Variants in INPP5B observed in about 807,000 individuals in gnomAD.
The protein encoded by INPP5B is type II inositol 1,4,5-trisphosphate 5-phosphatase.
In INPP5B, 90 loss-of-function variants were observed where a neutral mutation model predicts 118.5. The ratio of observed to expected loss-of-function variants is 0.76; its 90% CI spans 0.64 to 0.90. INPP5B has a LOEUF of 0.90. INPP5B is among the 40% of genes least tolerant of loss of function. INPP5B has a pLI of 0.00. For synonymous variants in INPP5B, 385 were observed against 418.9 expected (o/e 0.92, Z 0.99); for missense variants, 984 against 1,125.6 (o/e 0.87, Z 1.80).
intron 7 of INPP5B, chr1:37,928,508 A>G (rs1469680243): frequency 1.3e-5 from 2 of 152,210 alleles, no homozygotes; most frequent in African/African-American, 2.4e-5. Flanking sequence ...ATAAGCGCAC[A>G]CTACCATGCC....
intron 6 of INPP5B, among the ~76,000 whole-genome samples, chr1:37,937,290 A>T (rs1645733406): frequency 6.6e-6 from 1 of 150,524 alleles, no homozygotes; most frequent in Admixed American, 6.6e-5. Flanking sequence ...CAGCCTGGGC[A>T]ACAAAGCAAG....
intron 6 of INPP5B, among the ~76,000 whole-genome samples, chr1:37,939,442 TTTG>T (rs1166875092): frequency 9.8e-6 from 1 of 101,652 alleles, no homozygotes; most frequent in Non-Finnish European, 2.7e-5. Context: ...TCCTTTTGTT[TTTG>T]TTTTTGTTTT....
Position 37,889,698 on chromosome 1 carries a change from G to A in INPP5B, c.656C>T (p.Thr219Ile), listed in dbSNP as rs1381171077. 1 of 1,612,260 alleles carries A rather than the reference G, an allele frequency of 6.2e-7. No homozygotes were observed. Among genetic ancestry groups the A allele is most frequent in the East Asian group, 2.2e-5 (1 of 44,842 alleles). The stretch of plus-strand genomic sequence containing the variant: ...GATAGTGGAGGAGCGAACCATGTCA[G>A]TAATTTCGGACTTGGATTTATTCTG... ...PRQNKSKSEI[T>I]DMVRSSTITV... Residue 219 changes from threonine to isoleucine, a missense_variant, in exon 9 of 24, where the codon ACT becomes ATT. This residue lies in a region of INPP5B where 350 missense variants were observed against 334.6 expected (regional missense o/e 1.05). Transcript: ENST00000373024.
chr1:37,893,571 T>C (rs1643911517), intron 7 of INPP5B, among the ~76,000 whole-genome samples: 2 of 152,182 alleles, frequency 1.3e-5, no homozygotes, highest in Non-Finnish European at 2.9e-5. Flanking sequence ...TGAATGACTA[T>C]AAAAGCCTCA....
At chr1:37,941,666 C>G (rs922697987) in intron 5 of INPP5B, among the ~76,000 whole-genome samples, 17 of 150,344 alleles carry the variant, frequency 1.1e-4, no homozygotes, top group Admixed American at 2.7e-4. Context: ...GGGCCGGGCG[C>G]GGTGGCTCAC....
intron 7 of INPP5B, among the ~76,000 whole-genome samples, chr1:37,911,174 C>T (rs1446786510): frequency 1.3e-5 from 2 of 152,158 alleles, no homozygotes; most frequent in East Asian, 1.9e-4. Context: ...CTTTTAGAGG[C>T]CCTCAAAATC....
At chr1:37,910,879 T>C (rs1361492937) in intron 7 of INPP5B, among the ~76,000 whole-genome samples, 2 of 152,230 alleles carry the variant, frequency 1.3e-5, no homozygotes, top group East Asian at 1.9e-4. Context: ...CCACAACCCA[T>C]TATTCTGTTC....
rs552725810 is a variant in INPP5B, at chr1:37,866,270, A to G, written c.2386+189T>C. Among the ~76,000 whole-genome samples, 111 of 152,324 alleles carry G rather than the reference A, an allele frequency of 7.3e-4. 1 individual carries two copies. The highest frequency in any genetic ancestry group is 2.6e-3 in the African/African-American group (109 of 41,572). On this transcript the variant is annotated intron_variant, in intron 21 of 23. Transcript: ENST00000373024. ...GGACCCTGTCTCAAAAAATAAATAA[A>G]TAAAGTTGTAAAGTCTTCTCTATGC... is the stretch of plus-strand genomic sequence containing the variant.
At chr1:37,919,250 C>A (rs1644973712) in intron 7 of INPP5B, among the ~76,000 whole-genome samples, 1 of 152,284 alleles carries the variant, frequency 6.6e-6, no homozygotes, top group Admixed American at 6.5e-5. Flanking sequence ...GGGTGGAGAT[C>A]ACGTTCTACC....
chr1:37,870,181 T>C (rs1387943172), intron 19 of INPP5B, among the ~76,000 whole-genome samples: 1 of 151,976 alleles, frequency 6.6e-6, no homozygotes, highest in Non-Finnish European at 1.5e-5. Flanking sequence ...TCTTGCGCTA[T>C]CGCTCAGGTA....
chr1:37,885,850 T>C, intron 12 of INPP5B, 25 bp from the exon 13 acceptor site: 1 of 1,607,448 alleles, frequency 6.2e-7, no homozygotes, highest in Non-Finnish European at 8.5e-7. Context: ...CCCAAAGAAA[T>C]CCAATTCAAA....
intron 6 of INPP5B, among the ~76,000 whole-genome samples, chr1:37,934,665 C>G (rs1570382431): frequency 6.6e-6 from 1 of 152,168 alleles, no homozygotes; most frequent in Non-Finnish European, 1.5e-5. Flanking sequence ...AAATCCCCAT[C>G]ATGACAAGCA....
intron 21 of INPP5B, 53 bp downstream of exon 21, chr1:37,866,406 T>TCACA (rs57582108): frequency 1.7e-3 from 672 of 404,222 alleles, no homozygotes; most frequent in East Asian, 0.011. Flanking sequence ...TCTCTCTCTC[T>TCACA]CACACACACA....
chr1:37,924,272 G>A (rs541364900), intron 7 of INPP5B, among the ~76,000 whole-genome samples: 4 of 151,924 alleles, frequency 2.6e-5, no homozygotes, highest in East Asian at 1.9e-4. Context: ...GGGTTCAAGC[G>A]ATTCTCGTAC....
intron 7 of INPP5B, among the ~76,000 whole-genome samples, chr1:37,896,921 G>A (rs537756228): frequency 4.8e-5 from 6 of 126,154 alleles, no homozygotes; most frequent in Non-Finnish European, 1.0e-4. Flanking sequence ...CTGCCCAGCC[G>A]CCCCTACTGG....
intron 6 of INPP5B, 26 bp from the exon 7 acceptor site, chr1:37,932,079 CTGAG>C (rs1557717431): frequency 6.5e-7 from 1 of 1,548,956 alleles, no homozygotes; most frequent in Admixed American, 1.9e-5. Flanking sequence ...TGGGGGCAGA[CTGAG>C]CCACGAGCTT....
intron 7 of INPP5B, among the ~76,000 whole-genome samples, chr1:37,911,936 TA>T (rs957293660): frequency 3.3e-5 from 5 of 152,198 alleles, no homozygotes; most frequent in Non-Finnish European, 7.3e-5. Flanking sequence ...GACTGGACAG[TA>T]CTTTGCCCTT....
At chr1:37,940,441 A>G (rs1645868975) in intron 6 of INPP5B, among the ~76,000 whole-genome samples, 1 of 152,180 alleles carries the variant, frequency 6.6e-6, no homozygotes, top group Non-Finnish European at 1.5e-5. Flanking sequence ...TATCCTGTGC[A>G]ACCCTGCCCA....
chr1:37,894,592 C>T (rs1320011859), intron 7 of INPP5B, among the ~76,000 whole-genome samples: 5 of 144,896 alleles, frequency 3.5e-5, no homozygotes, highest in Admixed American at 1.4e-4. Context: ...GACAGGGTCT[C>T]GCTCTGTTGC....
Sources: allele counts gnomAD v4.1 joint callset (sites outside exome capture counted in the v4.1 genomes callset), GRCh38; gene constraint gnomAD v4.1.1; regional missense constraint gnomAD v4.1.1; transcripts MANE v1.5; gene names NCBI Gene and HGNC (gene_info 2026-07-23, HGNC 2026-07-21).